Variants in TTC21A observed in about 807,000 individuals in gnomAD.
TTC21A encodes tetratricopeptide repeat domain 21A.
Under a neutral mutation model 156.4 loss-of-function variants are expected in TTC21A, and 128 were observed. The ratio of observed to expected loss-of-function variants is 0.82; its 90% CI spans 0.71 to 0.95. The LOEUF (loss-of-function observed/expected upper bound fraction) is 0.95, where lower values mean the gene tolerates loss of function less well. TTC21A is among the 40% of genes least tolerant of loss of function. The pLI, the probability that TTC21A is intolerant of heterozygous loss-of-function variation, is 0.00. For synonymous variants in TTC21A, 587 were observed against 617.1 expected (o/e 0.95, Z 0.72); for missense variants, 1,435 against 1,602.3 (o/e 0.90, Z 1.78).
In TTC21A at chr3:39,130,263, G is replaced by C. The variant is rs532609722; in HGVS notation, c.2224G>C (p.Glu742Gln). ...TCCCCACCAGCCCGAGAAGGCCCTGGAGGTCTATGATGAGGCCTATAGACA... is the reference window on the plus strand; with the variant it reads ...TCCCCACCAGCCCGAGAAGGCCCTGCAGGTCTATGATGAGGCCTATAGACA... ...MSILEPEKAL[E>Q]VYDEAYRQNP... Residue 742 changes from glutamate (E) to glutamine (Q), a missense_variant, in exon 17 of 29, where the codon GAG (glutamate) becomes CAG (glutamine). By Grantham distance (29) the Glu-to-Gln change is conservative. Coordinates refer to ENST00000683103, the MANE Select transcript of TTC21A (RefSeq NM_001366900.1). The surrounding 1 kb of genome is among the most constrained non-coding windows in gnomAD (Gnocchi z 4.5). 2 of 1,613,782 alleles carry C rather than the reference G, an allele frequency of 1.2e-6. No homozygotes were observed. Among genetic ancestry groups the C allele is most frequent in the East Asian group, 2.2e-5 (1 of 44,884 alleles).
In TTC21A at chr3:39,121,076, A is replaced by T; in HGVS notation, c.980A>T (p.His327Leu). 1 of 1,614,098 alleles carries T rather than the reference A, an allele frequency of 6.2e-7. No homozygotes were observed. The highest frequency in any genetic ancestry group is 8.5e-7 in the Non-Finnish European group (1 of 1,180,012). Residue 327 changes from histidine to leucine, a missense_variant, in exon 9 of 29, where the codon CAT (histidine) becomes CTT (leucine). Coordinates refer to ENST00000683103, the MANE Select transcript of TTC21A (RefSeq NM_001366900.1). ...TTCATGGCCACCCCCTCGTATGTCC[A>T]TGTGGCCACAGAACTGGGCTATCTC... The part of the protein sequence containing the change: ...RTFMATPSYV[H>L]VATELGYLFI...
intron 4 of TTC21A, among the ~76,000 whole-genome samples, chr3:39,111,791 G>A (rs1198816797): frequency 1.3e-5 from 2 of 152,194 alleles, no homozygotes; most frequent in Admixed American, 1.3e-4. Flanking sequence ...GACTCCTTAG[G>A]ATAGATAATA....
chr3:39,125,018 A>G (rs784507), intron 9 of TTC21A, 45 bp from the exon 10 acceptor site: 1,101,519 of 1,275,038 alleles, frequency 0.86, 477,373 homozygotes, highest in Admixed American at 0.92. Context: ...GCTGCTGGCT[A>G]TGCTTCAGTG....
In TTC21A at chr3:39,128,263, G is replaced by T. The variant is rs2038426240; in HGVS notation, c.1523-68G>T. ...GAACAGGACATGTAAAATTCATTCT[G>T]CCCTTGCATATCAGGTCTTAGGAGC... On this transcript the variant is annotated intron_variant, in intron 12 of 28. Transcript: ENST00000683103. The T allele has an allele frequency of 1.3e-5, 20 of 1,522,228 alleles. No homozygotes were observed. In the South Asian group the frequency reaches 2.0e-4, roughly 16 times the overall value. The allele number at this position is 1,522,228 out of a possible 1,614,324, so 94.3% of individuals were successfully genotyped here.
Position 39,114,620 on chromosome 3 carries a change from G to A in TTC21A, c.594G>A (p.Glu198=), listed in dbSNP as rs1028848496. The A allele has an allele frequency of 6.2e-7, 1 of 1,614,212 alleles. No homozygotes were observed. Among genetic ancestry groups the A allele is most frequent in the Non-Finnish European group, 8.5e-7 (1 of 1,180,038 alleles). Residue 198 remains glutamate, a synonymous_variant, in exon 6 of 29, where the codon GAG becomes GAA. Transcript: ENST00000683103. ...MYFMMQQNYS[E]ALEVVNQITV... ...TCATGATGCAGCAGAACTACTCAGA[G>A]GCCCTGGAGGTGGTGAACCAGATCA...
rs374626316 is a variant in TTC21A, at chr3:39,119,933, C to A, written c.813C>A (p.His271Gln). 33 of 1,604,616 alleles carry A rather than the reference C, an allele frequency of 2.1e-5. No individual in the cohort carries two copies. Among genetic ancestry groups the A allele is most frequent in the Admixed American group, 8.4e-5 (5 of 59,856 alleles). Residue 271 changes from histidine to glutamine, a missense_variant, in exon 8 of 29, where the codon CAC becomes CAA. Coordinates refer to ENST00000683103, the MANE Select transcript of TTC21A (RefSeq NM_001366900.1). ...REGNMTTATN[H>Q]VRNLIKALET... is the part of the protein sequence containing the mutation. ...TTTTGTCCCTGCAGGCTACCAATCA[C>A]GTTAGAAATCTGATTAAGGCACTAG...
In TTC21A at chr3:39,121,843, A is replaced by G. The variant is rs144786422; in HGVS notation, c.1093+654A>G. Among the ~76,000 whole-genome samples, 17 of 152,200 alleles carry G rather than the reference A, an allele frequency of 1.1e-4. No homozygotes were observed. The East Asian group carries it at 2.5e-3, about 23-fold the overall frequency. ...ACTCTTGCCCTGGCTCTGAGGGGCTATGTGTTTGGGGCCAAGTCACTTCTC... is the reference window on the plus strand; with the variant it reads ...ACTCTTGCCCTGGCTCTGAGGGGCTGTGTGTTTGGGGCCAAGTCACTTCTC... On this transcript the variant is annotated intron_variant, in intron 9 of 28. Coordinates refer to ENST00000683103, the MANE Select transcript of TTC21A (RefSeq NM_001366900.1).
chr3:39,129,142 C>T lies in TTC21A; in HGVS notation c.1967C>T (p.Thr656Ile). The change falls in exon 15 of 29, where the codon ACC (threonine) becomes ATC (isoleucine). Residue 656 changes from threonine (T) to isoleucine (I), a missense_variant. By Grantham distance (89) the Thr-to-Ile change is moderately conservative (BLOSUM62 -1). Coordinates refer to ENST00000683103, the MANE Select transcript of TTC21A (RefSeq NM_001366900.1). Reference protein sequence around the residue: ...FGGTPEENRITIANVDLVLSK... With the variant: ...FGGTPEENRIIIANVDLVLSK... ...GGCACACCAGAAGAGAACCGCATCA[C>T]CATTGCCAACGTGGACTTGGTCCTG... 1 of 1,614,274 alleles carries T rather than the reference C, an allele frequency of 6.2e-7. No homozygotes were observed. Among genetic ancestry groups the T allele is most frequent in the Admixed American group, 1.7e-5 (1 of 60,038 alleles).
chr3:39,109,707 C>G (rs934376685), intron 2 of TTC21A, among the ~76,000 whole-genome samples: 3 of 152,206 alleles, frequency 2.0e-5, no homozygotes, highest in Non-Finnish European at 1.5e-5. Flanking sequence ...TAATCAGTGG[C>G]TCTTGAGCAG....
At chr3:39,115,270 T>C (rs1575504045) in intron 6 of TTC21A, among the ~76,000 whole-genome samples, 1 of 151,992 alleles carries the variant, frequency 6.6e-6, no homozygotes, top group Admixed American at 6.6e-5. Flanking sequence ...ACTCCAAGTG[T>C]AGAGTGATCT....
At chr3:39,136,284 T>C in intron 22 of TTC21A, 73 bp from the exon 23 acceptor site, 1 of 1,529,458 alleles carries the variant, frequency 6.5e-7, no homozygotes, top group Non-Finnish European at 8.8e-7. Flanking sequence ...TGGCTTCTCC[T>C]AGGGCCCCAG....
chr3:39,120,312 G>C (rs192079493), intron 8 of TTC21A, among the ~76,000 whole-genome samples: 61 of 152,268 alleles, frequency 4.0e-4, no homozygotes, highest in South Asian at 1.9e-3. Flanking sequence ...GGGGAAAGCG[G>C]GTGGTATTGC....
intron 19 of TTC21A, 114 bp from the exon 20 acceptor site, chr3:39,132,938 G>C: frequency 8.2e-7 from 1 of 1,222,580 alleles, no homozygotes; most frequent in Non-Finnish European, 1.1e-6. Flanking sequence ...TTTGCCCAAG[G>C]GCACTTATGT....
chr3:39,107,971 T>C, intron 1 of TTC21A, 107 bp downstream of exon 1: 3 of 1,410,526 alleles, frequency 2.1e-6, no homozygotes, highest in Non-Finnish European at 2.0e-6. Flanking sequence ...TCCTCAGTTA[T>C]ATCAGGCGGT....
rs945290751 is a variant in TTC21A, at chr3:39,112,567, G to A, written c.545G>A (p.Gly182Glu). 4.3e-6 allele frequency: 7 copies of A among 1,614,004 alleles called. No homozygotes were observed. The highest frequency in any genetic ancestry group is 5.9e-6 in the Non-Finnish European group (7 of 1,180,032). The change falls in exon 5 of 29, where the codon GGG becomes GAG. Residue 182 changes from glycine to glutamate, a missense_variant. By Grantham distance (98) the Gly-to-Glu change is moderately conservative (BLOSUM62 -2). Transcript: ENST00000683103. ...ATTCAGGACACCAAAGATGTGCTGG[G>A]GCTGATGGGAAAGGTGGGCAGTGGA... ...QGIQDTKDVL[G>E]LMGKAMYFMM...
At chr3:39,120,567 C>A (rs1027793161) in intron 8 of TTC21A, among the ~76,000 whole-genome samples, 1 of 152,226 alleles carries the variant, frequency 6.6e-6, no homozygotes, top group African/African-American at 2.4e-5. Flanking sequence ...ACCCCAGGAA[C>A]CAGAACTGTG....
chr3:39,109,131 A>G lies in TTC21A; in HGVS notation c.74A>G (p.Gln25Arg), dbSNP rs200577011. Residue 25 changes from glutamine to arginine, a missense_variant, in exon 2 of 29, where the codon CAG becomes CGG. By Grantham distance (43) the Gln-to-Arg change is conservative (BLOSUM62 1). Transcript: ENST00000683103. ...YSQEKYFHHVQQAAAVGLEKF... is the reference protein window; with the variant it reads ...YSQEKYFHHVRQAAAVGLEKF... ...CAGGAAAAGTACTTCCACCATGTGCAGCAGGCTGCAGCTGTGGGCCTGGAA... is the reference window on the plus strand; with the variant it reads ...CAGGAAAAGTACTTCCACCATGTGCGGCAGGCTGCAGCTGTGGGCCTGGAA... 4.8e-4 allele frequency: 767 copies of G among 1,614,204 alleles called. 2 individuals carry two copies. Among genetic ancestry groups the G allele is most frequent in the Non-Finnish European group, 1.0e-4 (119 of 1,179,990 alleles).
At position 39,114,647 on chromosome 3, in the gene TTC21A, T is replaced by G; in HGVS notation, c.621T>G (p.Thr207=). 2 of 1,614,202 alleles carry G rather than the reference T, an allele frequency of 1.2e-6. No individual in the cohort carries two copies. The highest frequency in any genetic ancestry group is 1.7e-6 in the Non-Finnish European group (2 of 1,180,026). ...CCCTGGAGGTGGTGAACCAGATCAC[T>G]GTGACTTCAGGGAGCTTCCTGCCAG... ...SEALEVVNQI[T]VTSGSFLPAL... is the part of the protein sequence containing the mutation. The change falls in exon 6 of 29, where the codon ACT becomes ACG. Residue 207 remains threonine (T), a synonymous_variant. Transcript: ENST00000683103.
chr3:39,125,336 T>C lies in TTC21A; in HGVS notation c.1196T>C (p.Leu399Pro). The C allele has an allele frequency of 6.2e-7, 1 of 1,613,856 alleles. No individual in the cohort carries two copies. The highest frequency in any genetic ancestry group is 1.1e-5 in the South Asian group (1 of 91,068). ...ACTCGGTCCTCTCTTCCACAGGTGCTAATTTTCCTCCAAGCCCTCCTGATG... is the reference window on the plus strand; with the variant it reads ...ACTCGGTCCTCTCTTCCACAGGTGCCAATTTTCCTCCAAGCCCTCCTGATG... ...VQKSLGKSEV[L>P]IFLQALLMSR... is the part of the protein sequence containing the mutation. Residue 399 changes from leucine to proline, a missense_variant, in exon 11 of 29, where the codon CTA (leucine) becomes CCA (proline). Transcript: ENST00000683103.
Sources: allele counts gnomAD v4.1 joint callset (sites outside exome capture counted in the v4.1 genomes callset), GRCh38; gene constraint gnomAD v4.1.1; non-coding constraint Gnocchi (gnomAD v3.1); transcripts MANE v1.5; gene names NCBI Gene and HGNC (gene_info 2026-07-23, HGNC 2026-07-21).